The following FAM120B variants were observed in gnomAD, a reference collection of about 807,000 sequenced individuals.
The protein encoded by FAM120B is constitutive coactivator of peroxisome proliferator-activated receptor gamma.
Under a neutral mutation model 96.3 loss-of-function variants are expected in FAM120B, and 83 were observed. The observed-to-expected ratio is 0.86, with a 90% CI of 0.72 to 1.03. The LOEUF is 1.03. Among genes scored for constraint, FAM120B ranks in the 50% least tolerant of loss-of-function variants. FAM120B has a pLI of 0.00. For synonymous variants in FAM120B, 407 were observed against 402.7 expected (o/e 1.01, Z -0.13); for missense variants, 1,027 against 1,121.2 (o/e 0.92, Z 1.20).
chr6:170,294,581 T>C (rs967041229), upstream of FAM120B, among the ~76,000 whole-genome samples: 1 of 152,198 alleles, frequency 6.6e-6, no homozygotes, highest in African/African-American at 2.4e-5. This position sits in a 1 kb window ranked among gnomAD's most constrained non-coding sequence, Gnocchi z 7.9. Flanking sequence ...CATCATCTTA[T>C]CAAATTCCAG....
At chr6:170,291,162 C>A (rs1254303136), upstream of FAM120B, 15 of 663,746 alleles carry the variant, frequency 2.3e-5, no homozygotes, top group East Asian at 2.0e-4. Flanking sequence ...CCCAGCCCCC[C>A]CTTCCTCCCT....
At chr6:170,329,588 T>C (rs575421368) in intron 3 of FAM120B, among the ~76,000 whole-genome samples, 6 of 151,876 alleles carry the variant, frequency 4.0e-5, no homozygotes, top group Non-Finnish European at 8.8e-5. Context: ...GTTCCTTTTT[T>C]ACCGACTTTT....
intron 5 of FAM120B, among the ~76,000 whole-genome samples, chr6:170,354,546 G>T (rs1418765146): frequency 2.6e-5 from 4 of 151,982 alleles, no homozygotes; most frequent in African/African-American, 4.8e-5. Context: ...AGTCTACAAA[G>T]AACTTAAACA....
At chr6:170,351,619 A>T (rs151304076) in intron 5 of FAM120B, among the ~76,000 whole-genome samples, 1 of 152,178 alleles carries the variant, frequency 6.6e-6, no homozygotes, top group African/African-American at 2.4e-5. Flanking sequence ...CCTACAAGCC[A>T]GAAGAGATTG....
chr6:170,353,997 C>T (rs950569401), intron 5 of FAM120B, among the ~76,000 whole-genome samples: 1 of 152,204 alleles, frequency 6.6e-6, no homozygotes. Context: ...AAGCTGGAGG[C>T]ATCATGCTAC....
At chr6:170,387,161 A>G (rs1790231857) in intron 6 of FAM120B, among the ~76,000 whole-genome samples, 1 of 152,198 alleles carries the variant, frequency 6.6e-6, no homozygotes, top group South Asian at 2.1e-4. Context: ...ATTTTGTAGA[A>G]TAAAAAGTGT....
rs79435059 is a variant in FAM120B at position 170,324,494 on chromosome 6, G to C, written c.1915+1235G>C. ...CTCTACCCGCATTCTTTCTTAACAT[G>C]GATGTTTGCACATTGACTCTAATGA... On this transcript the variant is annotated intron_variant, in intron 3 of 10. Transcript: ENST00000476287. Among the ~76,000 whole-genome samples the C allele has an allele frequency of 5.4e-3, 829 of 152,166 alleles. 9 individuals are homozygous for C. Among genetic ancestry groups the C allele is most frequent in the African/African-American group, 0.019 (792 of 41,504 alleles).
intron 6 of FAM120B, among the ~76,000 whole-genome samples, chr6:170,369,241 AG>A (rs1267657212): frequency 6.6e-6 from 1 of 152,156 alleles, no homozygotes; most frequent in African/African-American, 2.4e-5. Context: ...TAGACTTTCC[AG>A]TATTTATCCA....
chr6:170,296,043 C>A (rs1473018313), intron 1 of FAM120B, among the ~76,000 whole-genome samples: 1 of 152,154 alleles, frequency 6.6e-6, no homozygotes, highest in African/African-American at 2.4e-5. Context: ...GGCTGTCCCG[C>A]GCCCCATCTC....
intron 5 of FAM120B, among the ~76,000 whole-genome samples, chr6:170,357,183 G>A (rs1788006832): frequency 6.6e-6 from 1 of 152,280 alleles, no homozygotes; most frequent in South Asian, 2.1e-4. Context: ...TGCCGCAGAA[G>A]GTGCTCTTCT....
At chr6:170,358,187 T>C in intron 5 of FAM120B, 39 bp from the exon 6 acceptor site, 1 of 1,490,798 alleles carries the variant, frequency 6.7e-7, no homozygotes, top group South Asian at 1.2e-5. Context: ...GTTTAATTTT[T>C]CCTGTAGCCT....
intron 6 of FAM120B, among the ~76,000 whole-genome samples, chr6:170,361,286 A>G (rs150348819): frequency 2.1e-5 from 3 of 145,028 alleles, no homozygotes; most frequent in Non-Finnish European, 4.5e-5. Flanking sequence ...ACATATTAAA[A>G]ATTTAGGTGA....
At chr6:170,333,789 G>A (rs1241563285) in intron 4 of FAM120B, among the ~76,000 whole-genome samples, 1 of 148,008 alleles carries the variant, frequency 6.8e-6, no homozygotes, top group Non-Finnish European at 1.5e-5. Flanking sequence ...CAGCGTATGG[G>A]CCCCATCTTT....
chr6:170,377,882 C>T (rs556326160), intron 6 of FAM120B, among the ~76,000 whole-genome samples: 16 of 108,028 alleles, frequency 1.5e-4, no homozygotes, highest in African/African-American at 5.9e-4. Flanking sequence ...TCACGCTGCT[C>T]GGTGCTGTGC....
At chr6:170,389,234 C>T (rs1790354327) in intron 7 of FAM120B, among the ~76,000 whole-genome samples, 1 of 152,224 alleles carries the variant, frequency 6.6e-6, no homozygotes, top group African/African-American at 2.4e-5. Context: ...ATGTATGTCT[C>T]ATATACTCCT....
intron 5 of FAM120B, among the ~76,000 whole-genome samples, chr6:170,352,351 T>A (rs190905551): frequency 6.6e-6 from 1 of 152,112 alleles, no homozygotes; most frequent in African/African-American, 2.4e-5. Flanking sequence ...AACACCCAAC[T>A]GACAAATATT....
chr6:170,336,226 A>G (rs1226768768), intron 4 of FAM120B, among the ~76,000 whole-genome samples: 1 of 152,136 alleles, frequency 6.6e-6, no homozygotes, highest in Admixed American at 6.5e-5. Context: ...ATTTTTGTAT[A>G]AGGTATAAGG....
intron 9 of FAM120B, among the ~76,000 whole-genome samples, chr6:170,400,501 A>G (rs1027827957): frequency 5.9e-5 from 9 of 152,152 alleles, no homozygotes; most frequent in South Asian, 4.2e-4. Flanking sequence ...CTTTGTCTCA[A>G]GCGCTGGTTC....
chr6:170,402,145 C>T (rs749425613), intron 9 of FAM120B, among the ~76,000 whole-genome samples: 24 of 152,250 alleles, frequency 1.6e-4, no homozygotes, highest in African/African-American at 4.3e-4. Flanking sequence ...GCTCAGCAGA[C>T]GAAGGCCCCT....
Sources: gnomAD v4.1 joint callset for allele counts (sites outside exome capture counted in the v4.1 genomes callset) on GRCh38, gnomAD v4.1.1 for gene constraint, Gnocchi (gnomAD v3.1) non-coding constraint, MANE v1.5 for transcripts, NCBI Gene and HGNC (gene_info 2026-07-23, HGNC 2026-07-21) for gene names.